The following ACAD10 variants were observed in gnomAD, a reference collection of about 807,000 sequenced individuals.
ACAD10 encodes ACAD-10.
In ACAD10, 112 loss-of-function variants were observed where a neutral mutation model predicts 116.8. That is an observed-to-expected ratio of 0.96 (90% CI 0.82 to 1.12). The LOEUF (loss-of-function observed/expected upper bound fraction) is 1.12. Ranked by LOEUF, ACAD10 falls within the 50% of genes most tolerant of loss-of-function variation. The probability of loss-of-function intolerance (pLI) is 0.00; values close to 1 mark genes in which losing one functional copy is unlikely to be tolerated. For synonymous variants in ACAD10, 486 were observed against 510.6 expected (o/e 0.95, Z 0.65); for missense variants, 1,259 against 1,350.2 (o/e 0.93, Z 1.06).
intron 12 of ACAD10, among the ~76,000 whole-genome samples, chr12:111,744,233 C>T (rs1228502494): frequency 6.6e-6 from 1 of 152,012 alleles, no homozygotes; most frequent in African/African-American, 2.4e-5. Context: ...TTGCTGTTAT[C>T]AATTTTGTAG....
At chr12:111,700,872 C>T (rs1292037663) in intron 2 of ACAD10, among the ~76,000 whole-genome samples, 2 of 151,620 alleles carry the variant, frequency 1.3e-5, no homozygotes, top group Non-Finnish European at 2.9e-5. Context: ...GATCCTTCCA[C>T]CTCAGTTTCC....
intron 2 of ACAD10, among the ~76,000 whole-genome samples, chr12:111,701,394 A>G (rs1888344321): frequency 7.4e-6 from 1 of 135,466 alleles, no homozygotes; most frequent in African/African-American, 2.9e-5. Context: ...AGTGGCTCAC[A>G]CCTGTAATCA....
At chr12:111,745,883 C>G (rs1385790814) in intron 13 of ACAD10, among the ~76,000 whole-genome samples, 1 of 147,592 alleles carries the variant, frequency 6.8e-6, no homozygotes, top group East Asian at 2.0e-4. Flanking sequence ...GCTTTGTCAC[C>G]CAGGGTGGAA....
Position 111,737,091 on chromosome 12 carries a change from A to T in ACAD10, c.1714+87A>T, listed in dbSNP as rs1889589223. The T allele has an allele frequency of 2.1e-6, 3 of 1,427,276 alleles. No homozygotes were observed. The East Asian group carries it at 6.9e-5, about 33-fold the overall frequency. The allele number at this position is 1,427,276 out of a possible 1,614,324, so 88.4% of individuals were successfully genotyped here. A position where few individuals can be genotyped will look rare whatever the true frequency, so the allele number is the denominator to read the frequency against. The stretch of plus-strand genomic sequence containing the variant: ...CACCTGGAAACCCTCTCAGGGCCAC[A>T]GAGGCTTTGGAGAGACCGATTTGGC... On this transcript the variant is annotated intron_variant, in intron 12 of 20. Transcript: ENST00000313698.
chr12:111,691,361 G>A (rs1482850692), intron 1 of ACAD10, among the ~76,000 whole-genome samples: 1 of 152,114 alleles, frequency 6.6e-6, no homozygotes, highest in East Asian at 1.9e-4. Flanking sequence ...GACATCTTAG[G>A]TGCATACAGG....
At chr12:111,694,202 G>A (rs1451892162) in intron 2 of ACAD10, among the ~76,000 whole-genome samples, 1 of 152,180 alleles carries the variant, frequency 6.6e-6, no homozygotes, top group African/African-American at 2.4e-5. Context: ...TGCACAAGCT[G>A]GTTTCTGAGC....
At chr12:111,704,717 T>C (rs187043022) in intron 3 of ACAD10, among the ~76,000 whole-genome samples, 2,140 of 147,784 alleles carry the variant, frequency 0.014, 63 homozygotes, top group African/African-American at 0.051. Flanking sequence ...AGACGGAGTC[T>C]TGCTCTGTTG....
chr12:111,721,075 G>A (rs1889000413), intron 7 of ACAD10, among the ~76,000 whole-genome samples: 1 of 152,058 alleles, frequency 6.6e-6, no homozygotes, highest in Admixed American at 6.6e-5. Context: ...GAGCCACCAT[G>A]CATGGCCAAC....
Position 111,749,351 on chromosome 12 carries a change from T to C in ACAD10, c.2817+6T>C. 1 of 1,610,044 alleles carries C rather than the reference T, an allele frequency of 6.2e-7. No homozygotes were observed. The highest frequency in any genetic ancestry group is 1.1e-5 in the South Asian group (1 of 91,022). On this transcript the variant is annotated splice_donor_region_variant and intron_variant, in intron 18 of 20. Coordinates refer to ENST00000313698, the MANE Select transcript of ACAD10 (RefSeq NM_025247.6). The stretch of plus-strand genomic sequence containing the variant: ...TGGCACTCATGAAGGCCCGCGTGAG[T>C]GCTTTCCCCCGCACCCAGCACTGAC...
chr12:111,727,278 A>G (rs950686792), intron 8 of ACAD10, among the ~76,000 whole-genome samples: 2 of 151,596 alleles, frequency 1.3e-5, no homozygotes, highest in Non-Finnish European at 2.9e-5. Flanking sequence ...TAATCCCACC[A>G]CTTTGGGAGG....
intron 20 of ACAD10, 55 bp downstream of exon 20, chr12:111,755,800 C>G (rs2135997707): frequency 1.3e-6 from 2 of 1,546,582 alleles, no homozygotes; most frequent in African/African-American, 2.7e-5. Context: ...AGATGCCAAA[C>G]TCTCCTATCT....
rs756328247 is a variant in ACAD10 at position 111,705,747 on chromosome 12, T to C, written c.346T>C (p.Ser116Pro). 6.2e-7 allele frequency: 1 copy of C among 1,614,110 alleles called. No individual in the cohort carries two copies. Among genetic ancestry groups the C allele is most frequent in the South Asian group, 1.1e-5 (1 of 91,082 alleles). The change falls in exon 4 of 21, where the codon TCC (serine) becomes CCC (proline). Residue 116 changes from serine to proline, a missense_variant. Coordinates refer to ENST00000313698, the MANE Select transcript of ACAD10 (RefSeq NM_025247.6). ...CCTCTCCTGTTCTTAGTTAAAGACC[T>C]CCGTGCCTGTGGACTCATTTTTCTC... The part of the protein sequence containing the change: ...GRLCSEMLKT[S>P]VPVDSFFSLL...
At chr12:111,725,511 CT>C (rs1261259525) in intron 8 of ACAD10, among the ~76,000 whole-genome samples, 20 of 145,926 alleles carry the variant, frequency 1.4e-4, no homozygotes, top group South Asian at 2.2e-4. Flanking sequence ...GAGACCCTGT[CT>C]TTTTTTTTTT....
At position 111,715,814 on chromosome 12, in the gene ACAD10, C is replaced by T; in HGVS notation, c.851-7C>T. ...GGTTTGAGTTTTCTTTGTTTTCAAA[C>T]TTGCAGGCCCATTGGAACTACTTCA... On this transcript the variant is annotated splice_polypyrimidine_tract_variant and splice_region_variant and intron_variant, in intron 6 of 20. Coordinates refer to ENST00000313698, the MANE Select transcript of ACAD10 (RefSeq NM_025247.6). The T allele has an allele frequency of 6.2e-7, 1 of 1,614,156 alleles. No homozygotes were observed. Among genetic ancestry groups the T allele is most frequent in the Non-Finnish European group, 8.5e-7 (1 of 1,180,020 alleles).
At chr12:111,699,428 G>C (rs900714218) in intron 2 of ACAD10, among the ~76,000 whole-genome samples, 1 of 152,054 alleles carries the variant, frequency 6.6e-6, no homozygotes, top group Non-Finnish European at 1.5e-5. Flanking sequence ...GGTTATCATT[G>C]TGAAAAGTTT....
At chr12:111,722,548 G>A (rs1311749293) in intron 8 of ACAD10, among the ~76,000 whole-genome samples, 1 of 151,840 alleles carries the variant, frequency 6.6e-6, no homozygotes, top group African/African-American at 2.4e-5. Context: ...CGCAGTGTTT[G>A]TGTCCCTGGG....
chr12:111,739,539 C>A (rs1375872594), intron 12 of ACAD10, among the ~76,000 whole-genome samples: 1 of 152,150 alleles, frequency 6.6e-6, no homozygotes, highest in Non-Finnish European at 1.5e-5. Flanking sequence ...GGTGGATCAC[C>A]TGAGGTCAGG....
At chr12:111,689,687 T>G (rs1214683630) in intron 1 of ACAD10, among the ~76,000 whole-genome samples, 1 of 151,522 alleles carries the variant, frequency 6.6e-6, no homozygotes, top group Non-Finnish European at 1.5e-5. Flanking sequence ...TGTGTGTGTT[T>G]GTTTTGTTTT....
chr12:111,749,782 T>TA (rs1890019035), intron 18 of ACAD10: 1 of 152,088 alleles, frequency 6.6e-6, no homozygotes, highest in African/African-American at 2.4e-5. Flanking sequence ...AAAAAATTTT[T>TA]TTTTTTTTTT....
Sources: gnomAD v4.1 joint callset for allele counts (sites outside exome capture counted in the v4.1 genomes callset) on GRCh38, gnomAD v4.1.1 for gene constraint, MANE v1.5 for transcripts, NCBI Gene and HGNC (gene_info 2026-07-23, HGNC 2026-07-21) for gene names.